The following ZNF214 variants were observed in gnomAD, a reference collection of about 807,000 sequenced individuals.
The protein encoded by ZNF214 is zinc finger protein 214, also known as BWSCR2-associated zinc finger protein 1.
A neutral mutation model predicts 53.9 loss-of-function variants in ZNF214; 43 were observed. The ratio of observed to expected loss-of-function variants is 0.80; its 90% CI spans 0.63 to 1.03. The LOEUF is 1.03. ZNF214 is among the 50% of genes least tolerant of loss of function. The pLI, the probability that ZNF214 is intolerant of heterozygous loss-of-function variation, is 0.00. For missense variants in ZNF214, 724 were observed against 719.1 expected (o/e 1.01, Z -0.08); for synonymous variants, 217 against 229.5 (o/e 0.95, Z 0.49).
chr11:7,011,768 AATAAACT>A (rs1225600632), intron 1 of ZNF214, among the ~76,000 whole-genome samples: 1 of 151,200 alleles, frequency 6.6e-6, no homozygotes, highest in Non-Finnish European at 1.5e-5. Flanking sequence ...AAGAGTATAC[AATAAACT>A]ATAAATTAAG....
At chr11:7,011,883 A>G (rs940662374) in intron 1 of ZNF214, among the ~76,000 whole-genome samples, 38 of 152,140 alleles carry the variant, frequency 2.5e-4, no homozygotes, top group African/African-American at 8.2e-4. Flanking sequence ...AAAAAACCCT[A>G]TCTTAACCAA....
At chr11:7,004,207 CA>C (rs1316218411) in intron 1 of ZNF214, among the ~76,000 whole-genome samples, 3 of 151,778 alleles carry the variant, frequency 2.0e-5, no homozygotes, top group African/African-American at 4.8e-5. Context: ...ACTGAAATAA[CA>C]TAAGTAAAAA....
In ZNF214 at chr11:7,001,108, G is replaced by A. The variant is rs371299806; in HGVS notation, c.575C>T (p.Pro192Leu). ...QKLIVQHSYI[P>L]VEEALPQYVG... Reference sequence around the variant, plus strand: ...ATACTGTGGAAGGGCTTCCTCCACTGGGATATAAGAATGCTGAACTATGAG... The same window carrying A: ...ATACTGTGGAAGGGCTTCCTCCACTAGGATATAAGAATGCTGAACTATGAG... The change falls in exon 3 of 3, where the codon CCA becomes CTA. Residue 192 changes from proline (P) to leucine (L), a missense_variant. By Grantham distance (98) the Pro-to-Leu change is moderately conservative (BLOSUM62 -3). Transcript: ENST00000278314. The A allele has an allele frequency of 3.7e-5, 59 of 1,613,112 alleles. No individual in the cohort carries two copies. Among genetic ancestry groups the A allele is most frequent in the Non-Finnish European group, 4.8e-5 (57 of 1,179,546 alleles).
intron 1 of ZNF214, among the ~76,000 whole-genome samples, chr11:7,016,846 G>C (rs192306641): frequency 6.6e-5 from 10 of 152,000 alleles, no homozygotes; most frequent in Non-Finnish European, 1.5e-4. Flanking sequence ...TAAGAAACAG[G>C]AAAATGAAAG....
chr11:7,006,417 G>A (rs995084519), intron 1 of ZNF214, among the ~76,000 whole-genome samples: 6 of 151,970 alleles, frequency 3.9e-5, no homozygotes, highest in Admixed American at 3.9e-4. Flanking sequence ...TTTCAAGAAA[G>A]GTCAGTTAAA....
intron 1 of ZNF214, among the ~76,000 whole-genome samples, chr11:7,011,476 A>T (rs1445319610): frequency 6.6e-6 from 1 of 152,072 alleles, no homozygotes; most frequent in African/African-American, 2.4e-5. Context: ...AGGAAGTTCA[A>T]CACCGATGTA....
intron 1 of ZNF214, among the ~76,000 whole-genome samples, chr11:7,013,007 G>T (rs1295813350): frequency 4.7e-5 from 7 of 150,514 alleles, no homozygotes; most frequent in Admixed American, 4.0e-4. Context: ...TGAGAAGAAG[G>T]ATTCAATTCC....
chr11:6,997,312 T>C lies in ZNF214; in HGVS notation c.*2550A>G, dbSNP rs765331215. ...TAATAAACCTTCACCTGGTCTCACA[T>C]TTAAGCAATATCACATTTTCATCTG... On this transcript the variant is annotated 3_prime_UTR_variant, in exon 3 of 3. Transcript: ENST00000278314. Among the ~76,000 whole-genome samples, 2 of 151,878 alleles carry C rather than the reference T, an allele frequency of 1.3e-5. No homozygotes were observed. Among genetic ancestry groups the C allele is most frequent in the African/African-American group, 2.4e-5 (1 of 41,410 alleles).
In ZNF214 at chr11:6,997,585, T is replaced by TAAA. The variant is rs1188766605; in HGVS notation, c.*2274_*2276dup. Among the ~76,000 whole-genome samples the TAAA allele has an allele frequency of 4.2e-4, 51 of 122,876 alleles. No individual in the cohort carries two copies. Among genetic ancestry groups the TAAA allele is most frequent in the South Asian group, 2.8e-3 (11 of 3,868 alleles). The allele number at this position is 122,876 out of a possible 152,430, so 80.6% of individuals were successfully genotyped here. On this transcript the variant is annotated 3_prime_UTR_variant, in exon 3 of 3. Transcript: ENST00000278314. ...TTATTAAGTTGTAATTTTAGGTTTG[T>TAAA]AAAAAAAAAAAAAAAAGGCCTTTCT...
chr11:7,006,181 G>A lies in ZNF214; in HGVS notation c.-20-3326C>T, dbSNP rs368555625. Among the ~76,000 whole-genome samples, 71 of 152,078 alleles carry A rather than the reference G, an allele frequency of 4.7e-4. 1 individual carries two copies. In the East Asian group the frequency reaches 7.5e-3, roughly 16 times the overall value. On this transcript the variant is annotated intron_variant, in intron 1 of 2. Transcript: ENST00000278314. ...GGTTTGTAATATGACCTTTTTTGGT[G>A]TTTGAGAGCTTCCTTACTTTCTGGC...
intron 1 of ZNF214, among the ~76,000 whole-genome samples, chr11:7,003,914 T>G (rs1851417300): frequency 6.6e-6 from 1 of 151,736 alleles, no homozygotes. Flanking sequence ...TTTAATAAAT[T>G]TTAAATATAA....
At chr11:7,018,714 C>A (rs1327702774) in intron 1 of ZNF214, among the ~76,000 whole-genome samples, 1 of 152,026 alleles carries the variant, frequency 6.6e-6, no homozygotes, top group Non-Finnish European at 1.5e-5. Flanking sequence ...GTGGGCCAGG[C>A]TGGTCTCAAA....
At chr11:7,003,935 TTAAATA>T (rs1227642915) in intron 1 of ZNF214, among the ~76,000 whole-genome samples, 1 of 151,666 alleles carries the variant, frequency 6.6e-6, no homozygotes, top group Non-Finnish European at 1.5e-5. Flanking sequence ...TGAATCCACT[TTAAATA>T]TATAAATTAA....
intron 2 of ZNF214, among the ~76,000 whole-genome samples, chr11:7,001,963 G>A (rs1391696014): frequency 6.6e-6 from 1 of 151,930 alleles, no homozygotes; most frequent in Non-Finnish European, 1.5e-5. Context: ...GAATAGCATG[G>A]TAGATTGAGA....
Position 7,001,133 on chromosome 11 carries a change from G to C in ZNF214, c.550C>G (p.Leu184Val). 1 of 1,613,348 alleles carries C rather than the reference G, an allele frequency of 6.2e-7. No homozygotes were observed. The highest frequency in any genetic ancestry group is 8.5e-7 in the Non-Finnish European group (1 of 1,179,564). The change falls in exon 3 of 3, where the codon CTC (leucine) becomes GTC (valine). Residue 184 changes from leucine to valine, a missense_variant. Physicochemically the swap from Leu to Val is conservative, Grantham distance 32 (BLOSUM62 1). Coordinates refer to ENST00000278314, the MANE Select transcript of ZNF214 (RefSeq NM_013249.4). ...KNLSMEKEQK[L>V]IVQHSYIPVE... ...GGGATATAAGAATGCTGAACTATGA[G>C]CTTCTGTTCTTTTTCCATGGAGAGG...
chr11:7,017,659 A>C (rs1416573059), intron 1 of ZNF214, among the ~76,000 whole-genome samples: 1 of 152,042 alleles, frequency 6.6e-6, no homozygotes, highest in Non-Finnish European at 1.5e-5. Flanking sequence ...GAATTGCTTG[A>C]ACCAGGGAGG....
intron 1 of ZNF214, among the ~76,000 whole-genome samples, chr11:7,005,114 TTA>T (rs1182813822): frequency 6.6e-6 from 1 of 150,506 alleles, no homozygotes; most frequent in African/African-American, 2.5e-5. Context: ...ATTGTAATAT[TTA>T]TATATGATAA....
At chr11:7,003,517 T>C (rs1851404911) in intron 1 of ZNF214, among the ~76,000 whole-genome samples, 1 of 152,038 alleles carries the variant, frequency 6.6e-6, no homozygotes, top group Non-Finnish European at 1.5e-5. Flanking sequence ...TAAGGTATTA[T>C]TATTCACAAT....
rs750926061 is a variant in ZNF214 at position 7,001,509 on chromosome 11, G to A, written c.174C>T (p.Tyr58=). ...SYKSQEEKFR[Y]LEYENFSYWQ... is the part of the protein sequence containing the mutation. Reference sequence around the variant, plus strand: ...AGTAGGAAAAATTTTCATATTCTAAGTATCTGAATTTTTCTTCTTGGGATT... The same window carrying A: ...AGTAGGAAAAATTTTCATATTCTAAATATCTGAATTTTTCTTCTTGGGATT... Residue 58 remains tyrosine, a synonymous_variant, in exon 3 of 3, where the codon TAC becomes TAT. Transcript: ENST00000278314. 24 of 1,608,874 alleles carry A rather than the reference G, an allele frequency of 1.5e-5. No homozygotes were observed. Among genetic ancestry groups the A allele is most frequent in the Non-Finnish European group, 1.9e-5 (22 of 1,177,432 alleles).
Sources: allele counts gnomAD v4.1 joint callset (sites outside exome capture counted in the v4.1 genomes callset), GRCh38; gene constraint gnomAD v4.1.1; transcripts MANE v1.5; gene names NCBI Gene and HGNC (gene_info 2026-07-23, HGNC 2026-07-21).